KIR3DL1: variants seen among roughly 807,000 people sequenced by gnomAD.
The protein encoded by KIR3DL1 is killer cell immunoglobulin like receptor, three Ig domains and long cytoplasmic tail 1.
Under a neutral mutation model 40.3 loss-of-function variants are expected in KIR3DL1, and 50 were observed. The observed-to-expected ratio is 1.24, with a 90% confidence interval of 0.99 to 1.57. The LOEUF is 1.57. Ranked by LOEUF, KIR3DL1 falls within the 40% of genes most tolerant of loss-of-function variation. The pLI, the probability that KIR3DL1 is intolerant of heterozygous loss-of-function variation, is 0.00. For missense variants in KIR3DL1, 661 were observed against 559.9 expected (o/e 1.18, Z -1.82); for synonymous variants, 257 against 207.2 (o/e 1.24, Z -2.07).
At chr19:54,829,628 C>T (rs1247479550) in intron 7 of KIR3DL1, among the ~76,000 whole-genome samples, 163 bp downstream of exon 7, 1 of 142,882 alleles carries the variant, frequency 7.0e-6, no homozygotes, top group African/African-American at 2.5e-5. Context: ...CTGCCCCTGC[C>T]TTCAGCTCAC....
chr19:54,818,367 A>C (rs642941), exon 3 of KIR3DL1: 370,026 of 1,599,108 alleles, frequency 0.23, 45,790 homozygotes, highest in South Asian at 0.32. Flanking sequence ...TGGTGCCTCG[A>C]GGAGGACACG....
At chr19:54,819,964 C>T (rs2273731) in exon 4 of KIR3DL1, 470,027 of 1,609,830 alleles carry the variant, frequency 0.29, 77,128 homozygotes, top group Non-Finnish European at 0.32. Flanking sequence ...TACTCACACC[C>T]CCTATCAGTT....
intron 5 of KIR3DL1, among the ~76,000 whole-genome samples, chr19:54,823,772 G>A (rs970839704): frequency 4.6e-5 from 7 of 151,688 alleles, no homozygotes; most frequent in Non-Finnish European, 8.8e-5. Context: ...AATTACAGGC[G>A]TGAGCCACCG....
intron 2 of KIR3DL1, 128 bp downstream of exon 2, chr19:54,817,697 C>A: frequency 1.3e-6 from 1 of 748,236 alleles, no homozygotes; most frequent in Non-Finnish European, 2.1e-6. Flanking sequence ...GCTCGGCCCA[C>A]ATTTCTGACC....
chr19:54,816,507 C>T (rs1201259132), exon 1 of KIR3DL1: 35 of 1,607,538 alleles, frequency 2.2e-5, no homozygotes, highest in South Asian at 1.7e-4. Flanking sequence ...CACCATGTCG[C>T]TCATGGTCGT....
At chr19:54,821,982 G>GA in intron 5 of KIR3DL1, 124 bp downstream of exon 5, 1 of 1,208,178 alleles carries the variant, frequency 8.3e-7, no homozygotes, top group Non-Finnish European at 1.2e-6. Context: ...TGTGAGGGCG[G>GA]AGTCAGGGCG....
At chr19:54,820,770 C>T (rs1389487093) in intron 4 of KIR3DL1, among the ~76,000 whole-genome samples, 1 of 150,652 alleles carries the variant, frequency 6.6e-6, no homozygotes, top group African/African-American at 2.5e-5. Context: ...GAGAAAAGCC[C>T]CAAAATCAGA....
chr19:54,827,411 A>T (rs3117641), intron 6 of KIR3DL1, among the ~76,000 whole-genome samples: 74,908 of 146,896 alleles, frequency 0.51, 20,213 homozygotes, highest in Non-Finnish European at 0.57. Flanking sequence ...GCCAACATGG[A>T]GAAACCCTAT....
At chr19:54,818,504 C>T in exon 3 of KIR3DL1, 1 of 1,611,480 alleles carries the variant, frequency 6.2e-7, no homozygotes, top group Non-Finnish European at 8.5e-7. Context: ...CCTGTGACCA[C>T]AGCACATGCA....
exon 3 of KIR3DL1, chr19:54,818,564 C>G (rs143159382): frequency 5.0e-6 from 8 of 1,610,256 alleles, no homozygotes; most frequent in Admixed American, 1.7e-5. Context: ...ACTGGGTGGT[C>G]GGCACCCAGC....
At chr19:54,824,610 A>G (rs1320910127) in intron 5 of KIR3DL1, among the ~76,000 whole-genome samples, 1 of 151,296 alleles carries the variant, frequency 6.6e-6, no homozygotes, top group Non-Finnish European at 1.5e-5. Flanking sequence ...CAGGAAGTGG[A>G]GGTTGCATTG....
intron 5 of KIR3DL1, among the ~76,000 whole-genome samples, chr19:54,824,347 C>T (rs1323849240): frequency 6.6e-6 from 1 of 151,440 alleles, no homozygotes; most frequent in African/African-American, 2.4e-5. Flanking sequence ...AAAGACTGTC[C>T]TTTCCTGATT....
chr19:54,821,800 C>A (rs770235425), exon 5 of KIR3DL1: 1 of 1,605,638 alleles, frequency 6.2e-7, no homozygotes, highest in Non-Finnish European at 8.5e-7. Flanking sequence ...TCGGCTCTTT[C>A]CGTCACTCTC....
At chr19:54,818,750 G>A in intron 3 of KIR3DL1, 151 bp downstream of exon 3, 1 of 1,055,942 alleles carries the variant, frequency 9.5e-7, no homozygotes, top group Non-Finnish European at 1.3e-6. Flanking sequence ...TGCTGTGGTG[G>A]GAAGAATCAC....
At chr19:54,828,828 G>A (rs1397984013) in intron 6 of KIR3DL1, among the ~76,000 whole-genome samples, 2 of 143,020 alleles carry the variant, frequency 1.4e-5, no homozygotes, top group African/African-American at 5.1e-5. Context: ...CTGGAAGCAT[G>A]GCACCAGCAT....
At chr19:54,826,164 C>T (rs1253453478) in intron 6 of KIR3DL1, among the ~76,000 whole-genome samples, 1 of 150,522 alleles carries the variant, frequency 6.6e-6, no homozygotes, top group Non-Finnish European at 1.5e-5. Flanking sequence ...CTCCTGCCTT[C>T]CACGAACGGT....
intron 1 of KIR3DL1, among the ~76,000 whole-genome samples, chr19:54,817,208 G>A (rs1395773012): frequency 6.8e-6 from 1 of 147,316 alleles, no homozygotes; most frequent in Non-Finnish European, 1.5e-5. Flanking sequence ...TGAGCCTGGA[G>A]TTGAGATAGG....
intron 3 of KIR3DL1, among the ~76,000 whole-genome samples, chr19:54,819,440 G>C (rs1172850455): frequency 4.0e-5 from 6 of 150,904 alleles, no homozygotes; most frequent in South Asian, 2.1e-4. Flanking sequence ...CAGCAGGAAA[G>C]AGATTAGTGG....
At chr19:54,823,104 GGCTCATTGCAA>G (rs1345930758) in intron 5 of KIR3DL1, among the ~76,000 whole-genome samples, 2 of 149,734 alleles carry the variant, frequency 1.3e-5, no homozygotes, top group Non-Finnish European at 3.0e-5. Flanking sequence ...GTGAGATCTT[GGCTCATTGCAA>G]CCTGTGCCTC....
Sources: gnomAD v4.1 joint callset for allele counts (sites outside exome capture counted in the v4.1 genomes callset) on GRCh38, gnomAD v4.1.1 for gene constraint, MANE v1.5 for transcripts, NCBI Gene and HGNC (gene_info 2026-07-23, HGNC 2026-07-21) for gene names.